Variants in TMEM114 observed in about 807,000 individuals in gnomAD.
The protein encoded by TMEM114 is transmembrane protein 114, also known as claudin-26.
TMEM114 carries 6 observed loss-of-function variants against 6.2 expected under a neutral mutation model. The observed-to-expected ratio is 0.97, with a 90% CI of 0.53 to 1.91. The LOEUF is 1.91. Ranked by LOEUF, TMEM114 falls within the 40% of genes most tolerant of loss-of-function variation. TMEM114 has a pLI of 0.01. For synonymous variants in TMEM114, 104 were observed against 73.0 expected (o/e 1.42, Z -2.16); for missense variants, 218 against 158.3 (o/e 1.38, Z -2.02).
intron 2 of TMEM114, among the ~76,000 whole-genome samples, chr16:8,564,133 G>A (rs572662314): frequency 1.9e-4 from 29 of 151,128 alleles, no homozygotes; most frequent in African/African-American, 7.2e-4. Flanking sequence ...GAGTGAGTTA[G>A]TGAATGAGTG....
At chr16:8,551,324 A>G (rs867193546) in intron 2 of TMEM114, among the ~76,000 whole-genome samples, 15 of 152,214 alleles carry the variant, frequency 9.9e-5, no homozygotes, top group African/African-American at 2.7e-4. Context: ...TTAGTCAGAC[A>G]CCATGTGTTT....
chr16:8,578,694 G>T (rs1167409097), intron 2 of TMEM114, among the ~76,000 whole-genome samples: 1 of 152,116 alleles, frequency 6.6e-6, no homozygotes. Flanking sequence ...ATATTAAAAT[G>T]TTGGCTGGGT....
At chr16:8,565,018 T>C (rs184853671), downstream of TMEM114, among the ~76,000 whole-genome samples, 31 of 151,086 alleles carry the variant, frequency 2.1e-4, no homozygotes, top group South Asian at 6.3e-4. Flanking sequence ...ACTGAGTGAA[T>C]ACATGAGTGA....
intron 2 of TMEM114, among the ~76,000 whole-genome samples, chr16:8,558,916 T>TTC (rs1205045146): frequency 6.6e-6 from 1 of 151,376 alleles, no homozygotes; most frequent in Non-Finnish European, 1.5e-5. Flanking sequence ...AATTTTTTTT[T>TTC]GTATTTTTAG....
rs188048934 is a variant in TMEM114, at chr16:8,584,915, G to A, written c.301+4298C>T. Reference sequence around the variant, plus strand: ...CCAGCCTGGGCTACAAGAGTGAAACGCCGTCTCAAAAAAAAAAAAAAAAAA... The same window carrying A: ...CCAGCCTGGGCTACAAGAGTGAAACACCGTCTCAAAAAAAAAAAAAAAAAA... On this transcript the variant is annotated intron_variant, in intron 2 of 3. Transcript: ENST00000620492. Among the ~76,000 whole-genome samples, 920 of 114,174 alleles carry A rather than the reference G, an allele frequency of 8.1e-3. 1 individual carries two copies. Among genetic ancestry groups the A allele is most frequent in the Middle Eastern group, 0.029 (5 of 172 alleles). The allele number at this position is 114,174 out of a possible 152,430, so 74.9% of individuals were successfully genotyped here. A position where few individuals can be genotyped will look rare whatever the true frequency, so the allele number is the denominator to read the frequency against.
downstream of TMEM114, among the ~76,000 whole-genome samples, chr16:8,568,605 A>G (rs951649764): frequency 5.3e-5 from 8 of 152,340 alleles, no homozygotes; most frequent in Admixed American, 3.3e-4. Flanking sequence ...CGATGATGCC[A>G]TATTGTTGAT....
intron 2 of TMEM114, among the ~76,000 whole-genome samples, chr16:8,560,213 G>A (rs1901155668): frequency 6.6e-6 from 1 of 151,710 alleles, no homozygotes; most frequent in Non-Finnish European, 1.5e-5. Context: ...GCTTAGGCTG[G>A]GCTCAAACTC....
chr16:8,554,280 A>G (rs1344048659), intron 2 of TMEM114, among the ~76,000 whole-genome samples: 1 of 152,082 alleles, frequency 6.6e-6, no homozygotes, highest in African/African-American at 2.4e-5. Context: ...GTAGGGGCGG[A>G]CAGAGTGGCT....
chr16:8,585,537 A>G (rs940531655), intron 2 of TMEM114, among the ~76,000 whole-genome samples: 1 of 152,156 alleles, frequency 6.6e-6, no homozygotes. Context: ...TGGCCTCTGC[A>G]GCAGGTCCTT....
intron 2 of TMEM114, among the ~76,000 whole-genome samples, chr16:8,584,322 C>T (rs1339804517): frequency 1.3e-5 from 2 of 152,056 alleles, no homozygotes; most frequent in Non-Finnish European, 1.5e-5. Context: ...TCATTCTAGA[C>T]CATAGCTCTT....
Position 8,590,495 on chromosome 16 carries a change from G to A in TMEM114, c.-657C>T, listed in dbSNP as rs1902447298. ...GACCCTCTGAGCCCTCCTCCTCGCCGAGGAAAAGCTCGGAGTGCGCACGCA... is the reference window on the plus strand; with the variant it reads ...GACCCTCTGAGCCCTCCTCCTCGCCAAGGAAAAGCTCGGAGTGCGCACGCA... On this transcript the variant is annotated 5_prime_UTR_variant, in exon 1 of 4. Coordinates refer to ENST00000620492, the MANE Select transcript of TMEM114 (RefSeq NM_001146336.2). Among the ~76,000 whole-genome samples the A allele has an allele frequency of 6.6e-6, 1 of 152,160 alleles. No homozygotes were observed. The highest frequency in any genetic ancestry group is 2.4e-5 in the African/African-American group (1 of 41,442).
intron 2 of TMEM114, among the ~76,000 whole-genome samples, chr16:8,558,430 T>C (rs924081597): frequency 3.3e-5 from 5 of 152,072 alleles, no homozygotes; most frequent in African/African-American, 1.2e-4. Context: ...CTTCTCTCTG[T>C]GTATCTCTCC....
intron 3 of TMEM114, among the ~76,000 whole-genome samples, chr16:8,571,838 C>A (rs765813906): frequency 6.6e-6 from 1 of 152,152 alleles, no homozygotes; most frequent in African/African-American, 2.4e-5. Context: ...GTAATACATG[C>A]GGCTTCTTTG....
At chr16:8,569,177 A>C (rs1222226452), downstream of TMEM114, among the ~76,000 whole-genome samples, 1 of 152,102 alleles carries the variant, frequency 6.6e-6, no homozygotes, top group African/African-American at 2.4e-5. Context: ...GGAGGGATGG[A>C]TTTTTCTGGG....
downstream of TMEM114, among the ~76,000 whole-genome samples, chr16:8,568,646 G>A (rs1269047316): frequency 2.0e-5 from 3 of 152,220 alleles, no homozygotes; most frequent in African/African-American, 7.2e-5. Flanking sequence ...ATCCACACCA[G>A]TATTCCCCAA....
chr16:8,540,268 T>C (rs1900477479), intron 2 of TMEM114, among the ~76,000 whole-genome samples: 1 of 152,142 alleles, frequency 6.6e-6, no homozygotes, highest in South Asian at 2.1e-4. Context: ...TTCCATAAAA[T>C]AGTTTATAGG....
intron 2 of TMEM114, among the ~76,000 whole-genome samples, chr16:8,578,659 T>C (rs767715733): frequency 7.2e-5 from 11 of 152,190 alleles, no homozygotes; most frequent in East Asian, 3.9e-4. Flanking sequence ...ATGATACCTG[T>C]GGTTATTACA....
chr16:8,530,694 G>T, the TMEM114 span, among the ~76,000 whole-genome samples: 1 of 151,960 alleles, frequency 6.6e-6, no homozygotes, highest in African/African-American at 2.4e-5. Context: ...GAGGATGGGA[G>T]GGAGAGAGAG....
At chr16:8,560,143 C>G (rs1403099790) in intron 2 of TMEM114, among the ~76,000 whole-genome samples, 1 of 152,032 alleles carries the variant, frequency 6.6e-6, no homozygotes, top group East Asian at 1.9e-4. Flanking sequence ...CAGGTGCACA[C>G]CACCATACCC....
Sources: gnomAD v4.1 joint callset for allele counts (sites outside exome capture counted in the v4.1 genomes callset) on GRCh38, gnomAD v4.1.1 for gene constraint, MANE v1.5 for transcripts, NCBI Gene and HGNC (gene_info 2026-07-23, HGNC 2026-07-21) for gene names.